ANKRD6: variants seen among roughly 807,000 people sequenced by gnomAD.
ANKRD6 encodes the protein ankyrin repeat domain 6.
Under a neutral mutation model 82.3 loss-of-function variants are expected in ANKRD6, and 56 were observed. The ratio of observed to expected loss-of-function variants is 0.68; its 90% confidence interval spans 0.55 to 0.85. The LOEUF is 0.85. Ranked by LOEUF, ANKRD6 falls within the 40% of genes least tolerant of loss-of-function variation. The pLI, the probability that ANKRD6 is intolerant of heterozygous loss-of-function variation, is 0.00. For synonymous variants in ANKRD6, 347 were observed against 352.1 expected (o/e 0.99, Z 0.16); for missense variants, 852 against 907.6 (o/e 0.94, Z 0.79).
At chr6:89,434,316 C>G (rs1013784907) in intron 1 of ANKRD6, among the ~76,000 whole-genome samples, 1 of 152,178 alleles carries the variant, frequency 6.6e-6, no homozygotes, top group Non-Finnish European at 1.5e-5. Flanking sequence ...ACACCTTTTG[C>G]GAACCTGTTG....
intron 3 of ANKRD6, 126 bp from the exon 4 acceptor site, chr6:89,602,903 C>T: frequency 1.4e-6 from 1 of 718,140 alleles, no homozygotes; most frequent in South Asian, 1.9e-5. Flanking sequence ...CCAAGCCCTT[C>T]TGCGAATAAC....
chr6:89,483,547 AG>A (rs1443853810), intron 1 of ANKRD6: 1 of 152,244 alleles, frequency 6.6e-6, no homozygotes, highest in South Asian at 2.1e-4. Context: ...CCAGCTGCAG[AG>A]GGAAGTCCCC....
intron 1 of ANKRD6, among the ~76,000 whole-genome samples, chr6:89,454,118 C>T (rs148502906): frequency 1.1e-4 from 16 of 152,122 alleles, no homozygotes; most frequent in African/African-American, 2.6e-4. Context: ...TCCTTTAATG[C>T]GAAGTTTTTG....
chr6:89,486,769 T>C (rs1173776596), intron 1 of ANKRD6, among the ~76,000 whole-genome samples: 2 of 152,174 alleles, frequency 1.3e-5, no homozygotes, highest in East Asian at 3.8e-4. Flanking sequence ...GGTTCAGTTC[T>C]GTCAATGGCC....
At chr6:89,562,361 T>G (rs1787559311) in intron 1 of ANKRD6, 1 of 152,286 alleles carries the variant, frequency 6.6e-6, no homozygotes, top group African/African-American at 2.4e-5. Flanking sequence ...GTGTCTGGGC[T>G]CCGCTGCTCC....
intron 5 of ANKRD6, among the ~76,000 whole-genome samples, chr6:89,611,520 C>A (rs969896758): frequency 5.3e-5 from 8 of 151,626 alleles, no homozygotes; most frequent in Admixed American, 3.3e-4. Flanking sequence ...TCATGTCCTG[C>A]AATTTTTTCC....
At chr6:89,614,144 G>C (rs942050296) in intron 7 of ANKRD6, among the ~76,000 whole-genome samples, 2 of 152,182 alleles carry the variant, frequency 1.3e-5, no homozygotes, top group African/African-American at 4.8e-5. Context: ...ATTTTCTGGA[G>C]ATCCTGGGGC....
chr6:89,477,037 C>A (rs185074144), intron 1 of ANKRD6, among the ~76,000 whole-genome samples: 8 of 152,200 alleles, frequency 5.3e-5, no homozygotes, highest in Non-Finnish European at 8.8e-5. Flanking sequence ...CTCCGCCTCA[C>A]GGGTTCACGC....
At chr6:89,592,485 G>A (rs1204028414) in intron 2 of ANKRD6, among the ~76,000 whole-genome samples, 3 of 152,192 alleles carry the variant, frequency 2.0e-5, no homozygotes, top group Admixed American at 2.0e-4. Context: ...TTCAAACTAA[G>A]CTCTGATACC....
At chr6:89,517,805 A>AG (rs928291478) in intron 1 of ANKRD6, among the ~76,000 whole-genome samples, 74 of 152,266 alleles carry the variant, frequency 4.9e-4, no homozygotes, top group African/African-American at 1.6e-3. Context: ...TGTTTTCCTA[A>AG]GGGGGGGACT....
chr6:89,496,291 G>A (rs1051059632), intron 1 of ANKRD6, among the ~76,000 whole-genome samples: 1 of 152,046 alleles, frequency 6.6e-6, no homozygotes, highest in African/African-American at 2.4e-5. Context: ...TCTAGGGTAC[G>A]CCGTAAGTGA....
At chr6:89,606,169 C>G in intron 5 of ANKRD6, 64 bp downstream of exon 5, 4 of 1,318,078 alleles carry the variant, frequency 3.0e-6, no homozygotes, top group Middle Eastern at 5.2e-4. Context: ...GTTTCTCCCC[C>G]TGTGGGAGCC....
chr6:89,597,719 A>G (rs1022689867), intron 3 of ANKRD6, among the ~76,000 whole-genome samples: 1 of 152,204 alleles, frequency 6.6e-6, no homozygotes, highest in African/African-American at 2.4e-5. Context: ...TATTGAAGGT[A>G]TTTTCTTGCA....
chr6:89,579,503 G>T, intron 2 of ANKRD6, among the ~76,000 whole-genome samples: 1 of 152,144 alleles, frequency 6.6e-6, no homozygotes, highest in East Asian at 1.9e-4. Flanking sequence ...GGGTGCAGTG[G>T]CTCATGCCTG....
intron 3 of ANKRD6, among the ~76,000 whole-genome samples, chr6:89,596,265 A>C (rs934934154): frequency 6.6e-6 from 1 of 151,988 alleles, no homozygotes; most frequent in Non-Finnish European, 1.5e-5. Context: ...TCTATTATTC[A>C]AGTGATCACT....
At chr6:89,504,115 A>C (rs1183048573) in intron 1 of ANKRD6, among the ~76,000 whole-genome samples, 1 of 112,536 alleles carries the variant, frequency 8.9e-6, no homozygotes, top group Non-Finnish European at 1.7e-5. Context: ...TGGCAGTTGT[A>C]TTGAGATAGT....
intron 1 of ANKRD6, among the ~76,000 whole-genome samples, chr6:89,500,780 A>G (rs114310847): frequency 0.012 from 1,903 of 152,310 alleles, 40 homozygotes; most frequent in African/African-American, 0.044. Context: ...GGCTTTAGGC[A>G]TTAATAATAG....
intron 1 of ANKRD6, among the ~76,000 whole-genome samples, chr6:89,466,952 C>T (rs1388165863): frequency 3.9e-5 from 6 of 152,112 alleles, no homozygotes; most frequent in South Asian, 2.1e-4. Context: ...AGTTATTCTC[C>T]CATATTGGCC....
At chr6:89,446,109 T>C (rs2127947054) in intron 1 of ANKRD6, among the ~76,000 whole-genome samples, 1 of 151,952 alleles carries the variant, frequency 6.6e-6, no homozygotes, top group South Asian at 2.1e-4. Context: ...TCCCAGCACT[T>C]TGGGAGGCCG....
Sources: allele counts gnomAD v4.1 joint callset (sites outside exome capture counted in the v4.1 genomes callset), GRCh38; gene constraint gnomAD v4.1.1; transcripts MANE v1.5; gene names NCBI Gene and HGNC (gene_info 2026-07-23, HGNC 2026-07-21).